The following ADAM12 variants were observed in gnomAD, a reference collection of about 807,000 sequenced individuals.
The protein encoded by ADAM12 is ADAM metallopeptidase domain 12.
A neutral mutation model predicts 106.4 loss-of-function variants in ADAM12; 70 were observed. The ratio of observed to expected loss-of-function variants is 0.66; its 90% CI spans 0.54 to 0.80. The LOEUF (loss-of-function observed/expected upper bound fraction) is 0.80. Among genes scored for constraint, ADAM12 ranks in the 30% least tolerant of loss-of-function variants. ADAM12 has a pLI of 0.00. For missense variants in ADAM12, 1,010 were observed against 1,171.9 expected (o/e 0.86, Z 2.02); for synonymous variants, 420 against 433.5 (o/e 0.97, Z 0.39).
intron 3 of ADAM12, among the ~76,000 whole-genome samples, chr10:126,207,966 C>T (rs866889190): frequency 6.6e-6 from 1 of 152,108 alleles, no homozygotes; most frequent in East Asian, 1.9e-4. Flanking sequence ...TCAATGATTT[C>T]TGTAATTTTT....
chr10:126,265,678 C>A (rs538667673), intron 3 of ADAM12, among the ~76,000 whole-genome samples: 13 of 152,070 alleles, frequency 8.5e-5, no homozygotes, highest in Admixed American at 2.6e-4. Context: ...TAGACAGCAC[C>A]AAGAGGATGA....
chr10:126,187,021 G>A (rs929017846), intron 3 of ADAM12, among the ~76,000 whole-genome samples: 20 of 152,088 alleles, frequency 1.3e-4, no homozygotes, highest in African/African-American at 4.3e-4. Flanking sequence ...AAATTGCATG[G>A]TCTTCCCCTG....
intron 6 of ADAM12, among the ~76,000 whole-genome samples, chr10:126,115,693 CA>C (rs1955968658): frequency 6.6e-6 from 1 of 152,002 alleles, no homozygotes; most frequent in African/African-American, 2.4e-5. Context: ...CAGAAAAATG[CA>C]GGGAAAAAGC....
intron 21 of ADAM12, 84 bp from the exon 22 acceptor site, chr10:126,019,909 G>C (rs1473495882): frequency 1.4e-6 from 2 of 1,438,276 alleles, no homozygotes; most frequent in African/African-American, 2.9e-5. Context: ...GCTTGGCACA[G>C]GCCCTGCTTC....
intron 17 of ADAM12, among the ~76,000 whole-genome samples, 178 bp downstream of exon 17, chr10:126,045,877 T>C (rs1436139625): frequency 1.3e-5 from 2 of 152,268 alleles, no homozygotes; most frequent in Non-Finnish European, 2.9e-5. Flanking sequence ...ATTTTCTTTG[T>C]TAAATAAAAG....
chr10:126,370,299 G>C (rs957032647), intron 1 of ADAM12, among the ~76,000 whole-genome samples: 19 of 152,156 alleles, frequency 1.2e-4, no homozygotes, highest in African/African-American at 4.6e-4. Context: ...TTGTCATACA[G>C]CAATAAATAA....
At chr10:126,352,396 G>A (rs1445218773) in intron 1 of ADAM12, among the ~76,000 whole-genome samples, 1 of 152,102 alleles carries the variant, frequency 6.6e-6, no homozygotes, top group Non-Finnish European at 1.5e-5. Flanking sequence ...ACAAATTTAA[G>A]CAAAATGTGT....
intron 3 of ADAM12, among the ~76,000 whole-genome samples, chr10:126,170,456 C>G (rs554453314): frequency 2.6e-5 from 4 of 151,390 alleles, no homozygotes; most frequent in African/African-American, 9.7e-5. Context: ...GGGGGGGAGT[C>G]CCTGTGTGTG....
At chr10:126,208,055 C>T (rs1957830205) in intron 3 of ADAM12, among the ~76,000 whole-genome samples, 1 of 152,176 alleles carries the variant, frequency 6.6e-6, no homozygotes, top group South Asian at 2.1e-4. Context: ...TATCCATTTT[C>T]AAACTCTGTT....
chr10:126,334,218 T>C (rs1407407869), intron 1 of ADAM12, among the ~76,000 whole-genome samples: 2 of 152,196 alleles, frequency 1.3e-5, no homozygotes, highest in African/African-American at 4.8e-5. Flanking sequence ...GAATGATGGA[T>C]ACATTCAAGC....
chr10:126,377,464 AT>A (rs372792959), intron 1 of ADAM12, among the ~76,000 whole-genome samples: 6 of 149,102 alleles, frequency 4.0e-5, no homozygotes, highest in South Asian at 2.1e-4. Context: ...GTCTTTTCAC[AT>A]TTTTTTTTTC....
chr10:126,118,749 C>T (rs1382042851), intron 5 of ADAM12, among the ~76,000 whole-genome samples: 8 of 152,178 alleles, frequency 5.3e-5, no homozygotes, highest in African/African-American at 1.9e-4. Flanking sequence ...ATTCTTTCAT[C>T]CCTCTCCCGC....
chr10:126,124,144 T>A (rs1398491753), intron 5 of ADAM12, among the ~76,000 whole-genome samples: 1 of 152,178 alleles, frequency 6.6e-6, no homozygotes, highest in African/African-American at 2.4e-5. Context: ...TGACTGCCTG[T>A]AATAAGATGA....
intron 3 of ADAM12, among the ~76,000 whole-genome samples, chr10:126,266,877 C>T (rs7913230): frequency 2.0e-5 from 3 of 152,088 alleles, no homozygotes; most frequent in Admixed American, 6.5e-5. Flanking sequence ...AGGGGGATGC[C>T]GCTAAACCAC....
intron 1 of ADAM12, among the ~76,000 whole-genome samples, chr10:126,373,481 T>A (rs1856181328): frequency 6.6e-6 from 1 of 152,198 alleles, no homozygotes; most frequent in African/African-American, 2.4e-5. Context: ...GTACTGGAAG[T>A]TGAGAATCAA....
At chr10:126,116,522 G>C (rs561274250) in intron 6 of ADAM12, among the ~76,000 whole-genome samples, 1 of 151,946 alleles carries the variant, frequency 6.6e-6, no homozygotes, top group Non-Finnish European at 1.5e-5. Flanking sequence ...AGAGGTTGGG[G>C]GGGTAATTTT....
Position 126,118,035 on chromosome 10 carries a change from T to C in ADAM12, c.603+3A>G, listed in dbSNP as rs1956018384. On this transcript the variant is annotated splice_donor_region_variant and intron_variant, in intron 6 of 22. Coordinates refer to ENST00000448723, the MANE Select transcript of ADAM12 (RefSeq NM_001288973.2). ...GAAACACAAAATCAGGTATCCCCCT[T>C]ACCCTTCTTGCCCATGTCTGAGAGG... 3 of 1,614,026 alleles carry C rather than the reference T, an allele frequency of 1.9e-6. No homozygotes were observed. The East Asian group carries it at 6.7e-5, about 36-fold the overall frequency.
rs555691419 is a variant in ADAM12 at position 126,053,142 on chromosome 10, G to A, written c.1610-3473C>T. On this transcript the variant is annotated intron_variant, in intron 14 of 22. Transcript: ENST00000448723. This position sits in a 1 kb window ranked among gnomAD's most constrained non-coding sequence, Gnocchi z 4.6. ...TCTCTCTTGCTCCTGCTCCGGCCGC[G>A]TGATGTGCCTGCTTCTCCTTCACCT... Among the ~76,000 whole-genome samples, 18 of 152,236 alleles carry A rather than the reference G, an allele frequency of 1.2e-4. No homozygotes were observed. Among genetic ancestry groups the A allele is most frequent in the African/African-American group, 4.1e-4 (17 of 41,518 alleles).
chr10:126,367,389 T>A (rs1003097223), intron 1 of ADAM12, among the ~76,000 whole-genome samples: 1 of 151,936 alleles, frequency 6.6e-6, no homozygotes, highest in Non-Finnish European at 1.5e-5. Flanking sequence ...AAATAACCTA[T>A]ACAAATTTGT....
Sources: gnomAD v4.1 joint callset for allele counts (sites outside exome capture counted in the v4.1 genomes callset) on GRCh38, gnomAD v4.1.1 for gene constraint, Gnocchi (gnomAD v3.1) non-coding constraint, MANE v1.5 for transcripts, NCBI Gene and HGNC (gene_info 2026-07-23, HGNC 2026-07-21) for gene names.